The following LOC400499 variants were observed in gnomAD, a reference collection of about 807,000 sequenced individuals.
the LOC400499 span, chr16:11,460,127 C>T: frequency 8.1e-7 from 1 of 1,236,742 alleles, no homozygotes. Flanking sequence ...CTCATAGCCA[C>T]CCACTCCAGG....
At chr16:11,451,068 G>A in the LOC400499 span, among the ~76,000 whole-genome samples, 1 of 152,182 alleles carries the variant, frequency 6.6e-6, no homozygotes, top group Admixed American at 6.5e-5. Context: ...ACATTTCACT[G>A]TGCTTAATGA....
chr16:11,397,916 G>T, the LOC400499 span, among the ~76,000 whole-genome samples: 1 of 152,012 alleles, frequency 6.6e-6, no homozygotes, highest in Admixed American at 6.6e-5. Context: ...GAAGGAGGAT[G>T]GAAGGATGCG....
chr16:11,446,939 A>G, the LOC400499 span: 1 of 1,518,396 alleles, frequency 6.6e-7, no homozygotes, highest in Non-Finnish European at 8.8e-7. Context: ...AACAGGCCAA[A>G]GCCATTAAAG....
the LOC400499 span, chr16:11,523,713 C>G: frequency 2.9e-6 from 1 of 348,800 alleles, no homozygotes; most frequent in African/African-American, 2.1e-5. Context: ...TCCCTGATAG[C>G]TCAAGCTGCC....
chr16:11,425,282 C>T, the LOC400499 span: 1 of 399,152 alleles, frequency 2.5e-6, no homozygotes. Context: ...GCAGCCGGCC[C>T]TTCAGCTGGA....
the LOC400499 span, chr16:11,390,416 GC>G: frequency 8.0e-7 from 1 of 1,252,004 alleles, no homozygotes; most frequent in East Asian, 3.0e-5. Flanking sequence ...TCCTCCAGGG[GC>G]CGCAGTGTCA....
chr16:11,469,287 G>T, the LOC400499 span: 2 of 399,074 alleles, frequency 5.0e-6, no homozygotes, highest in African/African-American at 4.1e-5. Context: ...TAGAGACAAG[G>T]GTTCAACATC....
the LOC400499 span, among the ~76,000 whole-genome samples, chr16:11,481,088 G>C: frequency 1.3e-5 from 2 of 152,242 alleles, no homozygotes; most frequent in African/African-American, 2.4e-5. Context: ...CTAAGAGGAA[G>C]AAGCCAGACA....
the LOC400499 span, chr16:11,402,185 G>A: frequency 7.5e-6 from 3 of 399,104 alleles, no homozygotes; most frequent in East Asian, 1.1e-4. Flanking sequence ...ACACACAAAG[G>A]GTAGGGCACG....
chr16:11,379,618 T>C, the LOC400499 span, among the ~76,000 whole-genome samples: 2 of 152,246 alleles, frequency 1.3e-5, no homozygotes, highest in East Asian at 3.8e-4. Flanking sequence ...AGCCAAGGAC[T>C]GCGGTGACCA....
the LOC400499 span, among the ~76,000 whole-genome samples, chr16:11,510,100 C>T: frequency 6.6e-6 from 1 of 151,840 alleles, no homozygotes; most frequent in Non-Finnish European, 1.5e-5. Flanking sequence ...GCCCTCTGCT[C>T]TACACACAGC....
the LOC400499 span, among the ~76,000 whole-genome samples, chr16:11,434,471 T>C: frequency 6.6e-6 from 1 of 152,008 alleles, no homozygotes; most frequent in African/African-American, 2.4e-5. Flanking sequence ...ACTTAACATG[T>C]GGGGTCTGAT....
the LOC400499 span, among the ~76,000 whole-genome samples, chr16:11,485,982 G>A: frequency 6.6e-6 from 1 of 152,178 alleles, no homozygotes; most frequent in South Asian, 2.1e-4. Context: ...TGGGTAGGAG[G>A]GTGGACAGAT....
chr16:11,481,375 T>G, the LOC400499 span, among the ~76,000 whole-genome samples: 1 of 152,190 alleles, frequency 6.6e-6, no homozygotes, highest in African/African-American at 2.4e-5. Context: ...CAAGCTAGAG[T>G]GCAGTGGTGC....
At chr16:11,417,617 C>T in the LOC400499 span, 45,462 of 398,938 alleles carry the variant, frequency 0.11, 3,080 homozygotes, top group African/African-American at 0.24. Flanking sequence ...CCGGGCTGTG[C>T]GCTGAGTGCC....
chr16:11,511,360 A>C, the LOC400499 span, among the ~76,000 whole-genome samples: 1 of 152,202 alleles, frequency 6.6e-6, no homozygotes, highest in African/African-American at 2.4e-5. Context: ...GTATATTTAC[A>C]GCTAAAGAAA....
chr16:11,440,436 G>A, the LOC400499 span, among the ~76,000 whole-genome samples: 10 of 152,174 alleles, frequency 6.6e-5, no homozygotes, highest in East Asian at 1.9e-3. Context: ...GCCTGCTGGG[G>A]CACAGCCACA....
the LOC400499 span, among the ~76,000 whole-genome samples, chr16:11,430,590 A>C: frequency 6.6e-6 from 1 of 152,228 alleles, no homozygotes; most frequent in Non-Finnish European, 1.5e-5. Context: ...TATAGAGAGA[A>C]TATGAGAATG....
chr16:11,520,736 C>T, the LOC400499 span, among the ~76,000 whole-genome samples: 1 of 148,664 alleles, frequency 6.7e-6, no homozygotes, highest in East Asian at 2.0e-4. Flanking sequence ...ATGAAGGAGG[C>T]TCTGGGGGTT....
Sources: gnomAD v4.1 joint callset for allele counts (sites outside exome capture counted in the v4.1 genomes callset) on GRCh38, gnomAD v4.1.1 for gene constraint, MANE v1.5 for transcripts.